METTL24: variants seen among roughly 807,000 people sequenced by gnomAD.
METTL24 encodes methyltransferase like 24, also known as probable methyltransferase-like protein 24.
Under a neutral mutation model 32.7 loss-of-function variants are expected in METTL24, and 29 were observed. That is an observed-to-expected ratio of 0.89 (90% confidence interval 0.66 to 1.21). The LOEUF is 1.21. Among genes scored for constraint, METTL24 ranks in the 50% most tolerant of loss-of-function variants. The pLI is 0.00. For synonymous variants in METTL24, 163 were observed against 179.5 expected, an observed-to-expected ratio of 0.91 and a Z score of 0.73; for missense variants, 439 against 468.1, an observed-to-expected ratio of 0.94 and a Z score of 0.57.
At chr6:110,278,426 G>A (rs17071374) in intron 4 of METTL24, among the ~76,000 whole-genome samples, 2,125 of 152,174 alleles carry the variant, frequency 0.014, 58 homozygotes, top group African/African-American at 0.047. Context: ...GGTGATAATC[G>A]GTAATTTGGT....
intron 1 of METTL24, among the ~76,000 whole-genome samples, chr6:110,332,987 C>A (rs1772135965): frequency 6.6e-6 from 1 of 151,150 alleles, no homozygotes; most frequent in Admixed American, 6.6e-5. Context: ...TAAGGATTAT[C>A]TCTCTCTCTC....
rs1026188958 is a variant in METTL24 at position 110,348,739 on chromosome 6, T to C, written c.318+9216A>G. On this transcript the variant is annotated intron_variant, in intron 1 of 4. Coordinates refer to ENST00000338882, the MANE Select transcript of METTL24 (RefSeq NM_001123364.3). Reference sequence around the variant, plus strand: ...CGTGAAGATGGATTGACTTGGAGTCTGATTCATCTCATCAGAGGCCTTTGG... The same window carrying C: ...CGTGAAGATGGATTGACTTGGAGTCCGATTCATCTCATCAGAGGCCTTTGG... 8.5e-5 allele frequency among the ~76,000 whole-genome samples: 13 copies of C among 152,266 alleles called. 1 individual carries two copies.
chr6:110,283,607 C>T (rs1771173670), intron 4 of METTL24, among the ~76,000 whole-genome samples: 1 of 152,172 alleles, frequency 6.6e-6, no homozygotes, highest in East Asian at 1.9e-4. Context: ...AATATGGGAA[C>T]CGATGACAGC....
intron 4 of METTL24, among the ~76,000 whole-genome samples, chr6:110,263,819 T>G (rs2114702394): frequency 6.6e-6 from 1 of 152,226 alleles, no homozygotes; most frequent in Admixed American, 6.5e-5. Flanking sequence ...TAATGCCACA[T>G]ATCTACAACT....
chr6:110,337,230 A>G (rs978478369), intron 1 of METTL24, among the ~76,000 whole-genome samples: 3 of 152,206 alleles, frequency 2.0e-5, no homozygotes, highest in Admixed American at 6.5e-5. Flanking sequence ...ATGAGAACTC[A>G]TAGGCACAAA....
At chr6:110,322,292 C>T (rs1771942964) in intron 2 of METTL24, among the ~76,000 whole-genome samples, 1 of 152,148 alleles carries the variant, frequency 6.6e-6, no homozygotes, top group South Asian at 2.1e-4. Context: ...TTCATTAACT[C>T]CTCAGCACAC....
At chr6:110,309,919 T>C (rs1771690454) in intron 3 of METTL24, among the ~76,000 whole-genome samples, 1 of 152,138 alleles carries the variant, frequency 6.6e-6, no homozygotes, top group Non-Finnish European at 1.5e-5. Flanking sequence ...CCTCTTTTTA[T>C]GTATGAAGCA....
chr6:110,319,680 T>C (rs1771895994), intron 2 of METTL24, among the ~76,000 whole-genome samples: 1 of 151,796 alleles, frequency 6.6e-6, no homozygotes, highest in African/African-American at 2.4e-5. Flanking sequence ...TACCACGGAC[T>C]ACAGAACTCT....
intron 1 of METTL24, among the ~76,000 whole-genome samples, chr6:110,346,618 C>T (rs1273216657): frequency 1.3e-5 from 2 of 151,624 alleles, no homozygotes; most frequent in Non-Finnish European, 1.5e-5. Flanking sequence ...GATTCTCCTG[C>T]CTCAGCCTCC....
intron 3 of METTL24, among the ~76,000 whole-genome samples, chr6:110,303,456 T>C (rs1441596575): frequency 6.6e-6 from 1 of 152,168 alleles, no homozygotes; most frequent in East Asian, 1.9e-4. Flanking sequence ...GAAGTTGACC[T>C]GGGATGCTCA....
At chr6:110,351,156 G>A (rs564228068) in intron 1 of METTL24, among the ~76,000 whole-genome samples, 10 of 152,048 alleles carry the variant, frequency 6.6e-5, no homozygotes, top group African/African-American at 9.7e-5. Flanking sequence ...AGCCATGATC[G>A]CAACACTGCA....
intron 2 of METTL24, among the ~76,000 whole-genome samples, chr6:110,319,242 T>C (rs1771884386): frequency 6.6e-6 from 1 of 150,444 alleles, no homozygotes; most frequent in Non-Finnish European, 1.5e-5. Context: ...CAGAATTGTA[T>C]GCTTATTGTT....
At chr6:110,247,104 C>CA (rs1179019300) in intron 4 of METTL24, among the ~76,000 whole-genome samples, 24 of 152,260 alleles carry the variant, frequency 1.6e-4, no homozygotes, top group African/African-American at 5.3e-4. Context: ...GCTGCCTGTG[C>CA]AAAAAATCCG....
At chr6:110,326,466 A>G (rs1303811178) in intron 1 of METTL24, among the ~76,000 whole-genome samples, 1 of 152,200 alleles carries the variant, frequency 6.6e-6, no homozygotes, top group East Asian at 1.9e-4. Context: ...TCTTTTGTTA[A>G]GAGTGTTGGC....
chr6:110,351,501 C>T (rs1384041576), intron 1 of METTL24, among the ~76,000 whole-genome samples: 1 of 152,068 alleles, frequency 6.6e-6, no homozygotes, highest in Non-Finnish European at 1.5e-5. Flanking sequence ...ATTAGTAAAA[C>T]CAAAGCTACC....
chr6:110,324,906 A>G (rs1232568799), intron 1 of METTL24, among the ~76,000 whole-genome samples: 1 of 152,280 alleles, frequency 6.6e-6, no homozygotes, highest in Middle Eastern at 3.2e-3. Context: ...AGAGGCACTC[A>G]TGGTCAGGTG....
At position 110,246,177 on chromosome 6, in the gene METTL24, AATC is replaced by A; in HGVS notation, c.867_869del (p.Gln289_Ile290delinsHis). On this transcript the variant is annotated inframe_deletion, in exon 5 of 5. Coordinates refer to ENST00000338882, the MANE Select transcript of METTL24 (RefSeq NM_001123364.3). ...GATGGATCTCAAAGATGAGCTGTCC[AATC>A]TGCTCAAGAACATCTTCCAGAATAA... The A allele has an allele frequency of 6.2e-7, 1 of 1,614,170 alleles. No homozygotes were observed. The highest frequency in any genetic ancestry group is 8.5e-7 in the Non-Finnish European group (1 of 1,180,020).
intron 3 of METTL24, among the ~76,000 whole-genome samples, chr6:110,313,328 T>G (rs1771759818): frequency 2.0e-5 from 3 of 152,216 alleles, no homozygotes; most frequent in Non-Finnish European, 2.9e-5. Flanking sequence ...TGTAACAAAA[T>G]ATCACATGTA....
At chr6:110,255,570 A>T (rs1778367110) in intron 4 of METTL24, among the ~76,000 whole-genome samples, 1 of 152,212 alleles carries the variant, frequency 6.6e-6, no homozygotes, top group South Asian at 2.1e-4. Context: ...AACCACGGAC[A>T]GCTCCCGGCA....
Sources: gnomAD v4.1 joint callset for allele counts (sites outside exome capture counted in the v4.1 genomes callset) on GRCh38, gnomAD v4.1.1 for gene constraint, MANE v1.5 for transcripts, NCBI Gene and HGNC (gene_info 2026-07-23, HGNC 2026-07-21) for gene names.